The following P2RX6 variants were observed in gnomAD, a reference collection of about 807,000 sequenced individuals.
P2RX6 encodes purinergic receptor P2X 6.
P2RX6 carries 62 observed loss-of-function variants against 54.2 expected under a neutral mutation model. The observed-to-expected ratio is 1.14, with a 90% CI of 0.93 to 1.41. P2RX6 has a LOEUF of 1.41. Among genes scored for constraint, P2RX6 ranks in the 40% most tolerant of loss-of-function variants. P2RX6 has a pLI of 0.00. For synonymous variants in P2RX6, 211 were observed against 231.9 expected, an observed-to-expected ratio of 0.91 and a Z score of 0.82; for missense variants, 541 against 566.3, an observed-to-expected ratio of 0.96 and a Z score of 0.45.
chr22:21,013,379 A>G (rs951464018), upstream of P2RX6, among the ~76,000 whole-genome samples: 1 of 152,246 alleles, frequency 6.6e-6, no homozygotes, highest in African/African-American at 2.4e-5. Context: ...CCTTAAAGTC[A>G]TACAGCTGTC....
chr22:21,013,688 C>T (rs1188219002), upstream of P2RX6: 1 of 152,244 alleles, frequency 6.6e-6, no homozygotes, highest in African/African-American at 2.4e-5. Flanking sequence ...GTCTTTTAAC[C>T]TGATTGCAGA....
intron 3 of P2RX6, among the ~76,000 whole-genome samples, chr22:21,021,200 C>T (rs1456292025): frequency 6.6e-6 from 1 of 152,128 alleles, no homozygotes; most frequent in African/African-American, 2.4e-5. Flanking sequence ...TGGTCTCGAA[C>T]TCCTGAGCTC....
intron 1 of P2RX6, 85 bp from the exon 2 acceptor site, chr22:21,015,857 G>A (rs1160911074): frequency 7.2e-7 from 1 of 1,394,854 alleles, no homozygotes; most frequent in Non-Finnish European, 9.7e-7. Flanking sequence ...AGGGTGTGGG[G>A]GGAGAACTGA....
chr22:21,026,878 T>G lies in P2RX6; in HGVS notation c.*261T>G. On this transcript the variant is annotated 3_prime_UTR_variant, in exon 12 of 12. Transcript: ENST00000413302. The surrounding 1 kb of genome is among the most constrained non-coding windows in gnomAD (Gnocchi z 4.0). ...GGCACCTGTATTGCAGGGCTCCGAC[T>G]GCATGTGGCAGGGGCTCCTGCTGCG... The G allele has an allele frequency of 1.6e-6, 1 of 620,524 alleles. No individual in the cohort carries two copies. 38.4% of individuals were successfully genotyped at this position (620,524 alleles called of 1,614,324 possible). A position where few individuals can be genotyped will look rare whatever the true frequency, so the allele number is the denominator to read the frequency against.
At chr22:21,024,925 G>T (rs1305395047) in intron 8 of P2RX6, among the ~76,000 whole-genome samples, 1 of 128,744 alleles carries the variant, frequency 7.8e-6, no homozygotes, top group African/African-American at 3.0e-5. Context: ...TTGTTGCCCA[G>T]ACTGGAGTGC....
Position 21,025,846 on chromosome 22 carries a change from G to A in P2RX6, c.932G>A (p.Arg311His), listed in dbSNP as rs759599742. 168 of 1,568,460 alleles carry A rather than the reference G, an allele frequency of 1.1e-4. No homozygotes were observed. Among genetic ancestry groups the A allele is most frequent in the Middle Eastern group, 1.7e-4 (1 of 6,034 alleles). Residue 311 changes from arginine to histidine, a missense_variant, in exon 9 of 12, where the codon CGC becomes CAC. This residue lies in a region of P2RX6 where 526 missense variants were observed against 531.5 expected (regional missense o/e 0.99). Coordinates refer to ENST00000413302, the MANE Select transcript of P2RX6 (RefSeq NM_005446.5). ...HWWEQPGVEA[R>H]TLLKLYGIRF... ...TGGGAGCAACCGGGTGTGGAGGCCC[G>A]CACCCTGCTCAAGCTCTATGGAATC...
In P2RX6 at chr22:21,015,890, CCT is replaced by C. The variant is rs1926278227; in HGVS notation, c.165-51_165-50del. On this transcript the variant is annotated intron_variant, in intron 1 of 11. Transcript: ENST00000413302. ...TGAGCATGTAGGGCTCAGCTCCGCC[CCT>C]GTCACTACACGCTGGGGACACACCA... The C allele has an allele frequency of 2.6e-6, 4 of 1,533,494 alleles. No individual in the cohort carries two copies. In the African/African-American group the frequency reaches 5.5e-5, roughly 21 times the overall value. 95.0% of individuals were successfully genotyped at this position (1,533,494 alleles called of 1,614,324 possible). A position where few individuals can be genotyped will look rare whatever the true frequency, so the allele number is the denominator to read the frequency against.
rs530733172 is a variant in P2RX6, at chr22:21,022,443, C to T, written c.388-233C>T. On this transcript the variant is annotated intron_variant, in intron 3 of 11. Transcript: ENST00000413302. Reference sequence around the variant, plus strand: ...TCTTTGAAATACAGTACTGTACCTTCATCTGGCCAGGGCATTGCTCCGCTC... The same window carrying T: ...TCTTTGAAATACAGTACTGTACCTTTATCTGGCCAGGGCATTGCTCCGCTC... 8.5e-5 allele frequency among the ~76,000 whole-genome samples: 13 copies of T among 152,300 alleles called. 1 individual carries two copies. The highest frequency in any genetic ancestry group is 1.6e-4 in the Non-Finnish European group (11 of 68,012).
Position 21,026,368 on chromosome 22 carries a change from C to T in P2RX6, c.1128+39C>T, listed in dbSNP as rs2148098149. The T allele has an allele frequency of 2.5e-6, 4 of 1,588,248 alleles. No homozygotes were observed. The East Asian group carries it at 9.1e-5, about 36-fold the overall frequency. ...GCTCTGCTTGGACCCTGGGTTCTGCCACACTTAGGAAGATGTTGGCTGGAT... is the reference window on the plus strand; with the variant it reads ...GCTCTGCTTGGACCCTGGGTTCTGCTACACTTAGGAAGATGTTGGCTGGAT... On this transcript the variant is annotated intron_variant, in intron 11 of 11. Transcript: ENST00000413302. This position sits in a 1 kb window ranked among gnomAD's most constrained non-coding sequence, Gnocchi z 4.0.
At chr22:21,015,602 C>T (rs1926205272) in intron 1 of P2RX6, among the ~76,000 whole-genome samples, 1 of 152,138 alleles carries the variant, frequency 6.6e-6, no homozygotes, top group South Asian at 2.1e-4. Flanking sequence ...TAGTCCTTAA[C>T]ATCTGTGAGA....
At chr22:21,023,932 T>C (rs1364986820) in intron 8 of P2RX6, among the ~76,000 whole-genome samples, 2 of 149,616 alleles carry the variant, frequency 1.3e-5, no homozygotes, top group Non-Finnish European at 3.0e-5. Context: ...GTTTCATTTT[T>C]ACTTTCCCCT....
At chr22:21,012,547 C>T (rs1385280360), upstream of P2RX6, 11 of 604,698 alleles carry the variant, frequency 1.8e-5, no homozygotes, top group African/African-American at 4.3e-5. Flanking sequence ...GCTGCTTTTG[C>T]TCAGGGCACC....
chr22:21,023,259 T>TCA lies in P2RX6; in HGVS notation c.639-16_639-15insCA. 6.2e-7 allele frequency: 1 copy of TCA among 1,613,970 alleles called. No homozygotes were observed. The highest frequency in any genetic ancestry group is 8.5e-7 in the Non-Finnish European group (1 of 1,179,878). ...CCTTGTCCCCTACCTCATCTGACCT[T>TCA]TCCCACTCCTCCCAGGTCCAATGCC... On this transcript the variant is annotated splice_polypyrimidine_tract_variant and intron_variant, in intron 6 of 11. Coordinates refer to ENST00000413302, the MANE Select transcript of P2RX6 (RefSeq NM_005446.5).
At chr22:21,012,995 CG>C, upstream of P2RX6, 1 of 155,274 alleles carries the variant, frequency 6.4e-6, no homozygotes. Flanking sequence ...TGTTGTCTCC[CG>C]GGGCCTCTCC....
In P2RX6 at chr22:21,026,631, G is replaced by C; in HGVS notation, c.*14G>C. 1 of 1,566,694 alleles carries C rather than the reference G, an allele frequency of 6.4e-7. No homozygotes were observed. The highest frequency in any genetic ancestry group is 8.6e-7 in the Non-Finnish European group (1 of 1,156,140). On this transcript the variant is annotated 3_prime_UTR_variant, in exon 12 of 12. Transcript: ENST00000413302. This position sits in a 1 kb window ranked among gnomAD's most constrained non-coding sequence, Gnocchi z 4.0. Reference sequence around the variant, plus strand: ...GGGAGCCTGTAGCCGTTCCCTGCTGGTTGAGAGTTGGGGGCTGGGAAGGGC... The same window carrying C: ...GGGAGCCTGTAGCCGTTCCCTGCTGCTTGAGAGTTGGGGGCTGGGAAGGGC...
chr22:21,018,207 GA>G (rs1926768820), intron 3 of P2RX6, 147 bp downstream of exon 3: 2 of 670,390 alleles, frequency 3.0e-6, no homozygotes, highest in Admixed American at 4.3e-5. Flanking sequence ...ATCTTTTCCT[GA>G]ATCATTATGT....
chr22:21,024,867 G>GTT (rs1447107084), intron 8 of P2RX6, among the ~76,000 whole-genome samples: 67 of 103,824 alleles, frequency 6.5e-4, no homozygotes, highest in Non-Finnish European at 1.0e-3. Flanking sequence ...CACCAAGCCT[G>GTT]TTTTTTTTGT....
In P2RX6 at chr22:21,023,678, G is replaced by C. The variant is rs367783524; in HGVS notation, c.890+60G>C. 10 of 1,263,012 alleles carry C rather than the reference G, an allele frequency of 7.9e-6. 1 individual carries two copies. In the African/African-American group the frequency reaches 1.3e-4, roughly 17 times the overall value. 78.2% of individuals were successfully genotyped at this position (1,263,012 alleles called of 1,614,324 possible). On this transcript the variant is annotated intron_variant, in intron 8 of 11. Transcript: ENST00000413302. ...GGCCCATCGCCCTCTCACTGTGGCGGCCAGGACAGACCACACCCAGGCCCA... is the reference window on the plus strand; with the variant it reads ...GGCCCATCGCCCTCTCACTGTGGCGCCCAGGACAGACCACACCCAGGCCCA...
At chr22:21,013,619 T>C (rs1364692510), upstream of P2RX6, among the ~76,000 whole-genome samples, 1 of 152,252 alleles carries the variant, frequency 6.6e-6, no homozygotes, top group East Asian at 1.9e-4. Flanking sequence ...TCACAGCTAG[T>C]GGTAGCTAAT....
Sources: gnomAD v4.1 joint callset for allele counts (sites outside exome capture counted in the v4.1 genomes callset) on GRCh38, gnomAD v4.1.1 for gene constraint, gnomAD v4.1.1 regional missense constraint, Gnocchi (gnomAD v3.1) non-coding constraint, MANE v1.5 for transcripts, NCBI Gene and HGNC (gene_info 2026-07-23, HGNC 2026-07-21) for gene names.